RIMS1: variants seen among roughly 807,000 people sequenced by gnomAD.
RIMS1 encodes the protein regulating synaptic membrane exocytosis protein 1.
RIMS1 carries 83 observed loss-of-function variants against 214.1 expected under a neutral mutation model. The observed-to-expected ratio is 0.39, with a 90% CI of 0.32 to 0.47. The LOEUF (loss-of-function observed/expected upper bound fraction) is 0.47, where lower values mean the gene tolerates loss of function less well. Ranked by LOEUF, RIMS1 falls within the 20% of genes least tolerant of loss-of-function variation. RIMS1 has a pLI of 0.99. For missense variants in RIMS1, 2,050 were observed against 2,161.8 expected, an observed-to-expected ratio of 0.95 and a Z score of 1.03; for synonymous variants, 793 against 786.8, an observed-to-expected ratio of 1.01 and a Z score of -0.13.
chr6:72,268,441 G>C (rs184301934), intron 22 of RIMS1, among the ~76,000 whole-genome samples: 1 of 152,098 alleles, frequency 6.6e-6, no homozygotes, highest in African/African-American at 2.4e-5. Context: ...CTACAAATTT[G>C]TCAACTATGT....
chr6:71,917,952 G>A (rs1778920318), intron 1 of RIMS1, among the ~76,000 whole-genome samples: 1 of 152,166 alleles, frequency 6.6e-6, no homozygotes, highest in Admixed American at 6.6e-5. Flanking sequence ...TGTTCACTTG[G>A]AGAGGAGGTC....
intron 29 of RIMS1, among the ~76,000 whole-genome samples, chr6:72,375,176 G>A (rs549522768): frequency 2.6e-5 from 4 of 152,292 alleles, no homozygotes; most frequent in Admixed American, 6.5e-5. Context: ...AAAAGGACTA[G>A]CCAGTCAGAA....
chr6:72,182,690 G>C lies in RIMS1; in HGVS notation c.1219G>C (p.Gly407Arg), dbSNP rs756705041. 1 of 1,500,820 alleles carries C rather than the reference G, an allele frequency of 6.7e-7. No homozygotes were observed. The highest frequency in any genetic ancestry group is 1.3e-5 in the South Asian group (1 of 76,162). The allele number at this position is 1,500,820 out of a possible 1,614,324, so 93.0% of individuals were successfully genotyped here. Reference protein sequence around the residue: ...RTEAGAALPEGKAGKRAPAAA... With the variant: ...RTEAGAALPERKAGKRAPAAA... ...CGAGGCGGGCGCGGCGCTGCCGGAG[G>C]GCAAGGCCGGCAAACGCGCGCCGGC... The change falls in exon 6 of 34, where the codon GGC becomes CGC. Residue 407 changes from glycine (G) to arginine (R), a missense_variant. Gly to Arg is a moderately radical substitution (Grantham distance 125). This residue lies in a region of RIMS1 where 882 missense variants were observed against 828.9 expected (regional missense o/e 1.06). Coordinates refer to ENST00000521978, the MANE Select transcript of RIMS1 (RefSeq NM_014989.7).
At chr6:72,086,048 C>G (rs1834583649) in intron 2 of RIMS1, among the ~76,000 whole-genome samples, 1 of 152,126 alleles carries the variant, frequency 6.6e-6, no homozygotes, top group African/African-American at 2.4e-5. Context: ...TCATTTTACA[C>G]TGGATTTTGG....
chr6:72,178,749 T>C (rs1163408984), intron 4 of RIMS1, among the ~76,000 whole-genome samples: 3 of 152,226 alleles, frequency 2.0e-5, no homozygotes, highest in African/African-American at 7.2e-5. Flanking sequence ...TTTTTTATTA[T>C]GATAATCGTC....
At chr6:72,210,028 A>G (rs1330662734) in intron 6 of RIMS1, among the ~76,000 whole-genome samples, 2 of 152,128 alleles carry the variant, frequency 1.3e-5, no homozygotes, top group African/African-American at 2.4e-5. Flanking sequence ...CAGGAAAAGG[A>G]GAGCTGAGCT....
Position 72,177,809 on chromosome 6 carries a change from T to G in RIMS1, c.472-1766T>G, listed in dbSNP as rs549549979. Among the ~76,000 whole-genome samples the G allele has an allele frequency of 1.4e-4, 22 of 152,310 alleles. No homozygotes were observed. The South Asian group carries it at 4.4e-3, about 30-fold the overall frequency. Reference sequence around the variant, plus strand: ...AGAAGAGACTCAGTGTCACTGACTGTTCATGAAGGTCCTGGCCCTGGAGTA... The same window carrying G: ...AGAAGAGACTCAGTGTCACTGACTGGTCATGAAGGTCCTGGCCCTGGAGTA... On this transcript the variant is annotated intron_variant, in intron 4 of 33. Coordinates refer to ENST00000521978, the MANE Select transcript of RIMS1 (RefSeq NM_014989.7).
intron 2 of RIMS1, among the ~76,000 whole-genome samples, chr6:72,026,043 T>G (rs1816338117): frequency 1.3e-5 from 2 of 152,166 alleles, no homozygotes; most frequent in African/African-American, 4.8e-5. Flanking sequence ...TGACCCAGAC[T>G]TAGAAATTGC....
At chr6:72,229,702 A>C (rs1003117879) in intron 6 of RIMS1, among the ~76,000 whole-genome samples, 2 of 151,886 alleles carry the variant, frequency 1.3e-5, no homozygotes, top group South Asian at 4.1e-4. Context: ...ATTTCAAAAT[A>C]TATTTTCAGT....
intron 29 of RIMS1, among the ~76,000 whole-genome samples, chr6:72,336,430 C>T (rs1319446908): frequency 6.6e-6 from 1 of 151,788 alleles, no homozygotes; most frequent in Non-Finnish European, 1.5e-5. Context: ...ATAACATCTT[C>T]CTTCCCAGAA....
At chr6:71,988,855 TG>T (rs1409098716) in intron 2 of RIMS1, among the ~76,000 whole-genome samples, 1 of 152,250 alleles carries the variant, frequency 6.6e-6, no homozygotes, top group Non-Finnish European at 1.5e-5. Flanking sequence ...TAAAGTAATT[TG>T]TATGTTACCA....
chr6:72,019,656 A>G (rs1363747808), intron 2 of RIMS1, among the ~76,000 whole-genome samples: 2 of 152,180 alleles, frequency 1.3e-5, no homozygotes, highest in Non-Finnish European at 2.9e-5. Context: ...TTTCACCTTG[A>G]TAATCTGACT....
chr6:72,120,053 T>C (rs934566661), intron 4 of RIMS1, among the ~76,000 whole-genome samples: 2 of 151,906 alleles, frequency 1.3e-5, no homozygotes, highest in South Asian at 2.1e-4. Flanking sequence ...CAGTCTATCA[T>C]TGATGGACAT....
chr6:71,971,650 A>G (rs1421210417), intron 2 of RIMS1, among the ~76,000 whole-genome samples: 1 of 152,214 alleles, frequency 6.6e-6, no homozygotes. Context: ...ACAGTTCCAC[A>G]TGGCTGGGGA....
At chr6:72,055,106 T>C (rs1420134193) in intron 2 of RIMS1, among the ~76,000 whole-genome samples, 1 of 152,190 alleles carries the variant, frequency 6.6e-6, no homozygotes, top group Non-Finnish European at 1.5e-5. Flanking sequence ...TTGTATAAGG[T>C]GTAATGTCCC....
chr6:72,347,255 CAG>C (rs2097297013), intron 29 of RIMS1, among the ~76,000 whole-genome samples: 1 of 151,820 alleles, frequency 6.6e-6, no homozygotes, highest in Non-Finnish European at 1.5e-5. Flanking sequence ...CTAATTTTCC[CAG>C]TTGGGGGCTC....
Position 71,905,711 on chromosome 6 carries a change from A to G in RIMS1, c.164+18524A>G, listed in dbSNP as rs572186951. On this transcript the variant is annotated intron_variant, in intron 1 of 33. Coordinates refer to ENST00000521978, the MANE Select transcript of RIMS1 (RefSeq NM_014989.7). ...TGAGAAGAGCGTTAGCAGCCAGATCAGTGGTTTCCACACTGTGTCTGGTGC... is the reference window on the plus strand; with the variant it reads ...TGAGAAGAGCGTTAGCAGCCAGATCGGTGGTTTCCACACTGTGTCTGGTGC... Among the ~76,000 whole-genome samples, 4 of 152,320 alleles carry G rather than the reference A, an allele frequency of 2.6e-5. No individual in the cohort carries two copies. The East Asian group carries it at 5.8e-4, about 22-fold the overall frequency.
At chr6:72,356,132 G>C (rs183085210) in intron 29 of RIMS1, among the ~76,000 whole-genome samples, 1 of 152,198 alleles carries the variant, frequency 6.6e-6, no homozygotes, top group East Asian at 1.9e-4. Context: ...TCTAAATTAT[G>C]TCCACTTTAT....
intron 2 of RIMS1, among the ~76,000 whole-genome samples, chr6:71,992,096 A>G (rs1211449612): frequency 1.3e-5 from 2 of 152,094 alleles, no homozygotes; most frequent in East Asian, 1.9e-4. Flanking sequence ...AAGAAATTGT[A>G]TGAAATAGAG....
Sources: gnomAD v4.1 joint callset for allele counts (sites outside exome capture counted in the v4.1 genomes callset) on GRCh38, gnomAD v4.1.1 for gene constraint, gnomAD v4.1.1 regional missense constraint, MANE v1.5 for transcripts, NCBI Gene and HGNC (gene_info 2026-07-23, HGNC 2026-07-21) for gene names.